The following PSMD12 variants were observed in gnomAD, a reference collection of about 807,000 sequenced individuals.
The protein encoded by PSMD12 is 26S proteasome non-ATPase regulatory subunit 12.
A neutral mutation model predicts 62.9 loss-of-function variants in PSMD12; 8 were observed. The ratio of observed to expected loss-of-function variants is 0.13; its 90% CI spans 0.07 to 0.23. The LOEUF (loss-of-function observed/expected upper bound fraction) is 0.23, where lower values mean the gene tolerates loss of function less well. Among genes scored for constraint, PSMD12 ranks in the 10% least tolerant of loss-of-function variants. The pLI is 1.00. For synonymous variants in PSMD12, 173 were observed against 187.4 expected, an observed-to-expected ratio of 0.92 and a Z score of 0.63; for missense variants, 424 against 550.2, an observed-to-expected ratio of 0.77 and a Z score of 2.29.
chr17:67,353,087 C>G (rs1266025373), intron 3 of PSMD12, among the ~76,000 whole-genome samples: 1 of 151,976 alleles, frequency 6.6e-6, no homozygotes, highest in East Asian at 1.9e-4. Flanking sequence ...CAAAGGGGGA[C>G]TACTGTACAT....
intron 3 of PSMD12, among the ~76,000 whole-genome samples, chr17:67,356,006 A>ACACACG (rs2042067098): frequency 6.7e-6 from 1 of 149,286 alleles, no homozygotes; most frequent in East Asian, 2.0e-4. Flanking sequence ...ACACACACAC[A>ACACACG]CACGCACACA....
In PSMD12 at chr17:67,357,312, C is replaced by T. The variant is rs761972477; in HGVS notation, c.288G>A (p.Gln96=). 1.9e-5 allele frequency: 30 copies of T among 1,611,422 alleles called. No homozygotes were observed. The highest frequency in any genetic ancestry group is 2.7e-5 in the African/African-American group (2 of 74,830). The part of the protein sequence containing the change: ...NIMLLSKRRS[Q]LKQAVAKMVQ... ...ATGATCATGAACTCACTTGTTTTAACTGACTCCGCCTTTTGGACAAAAGCA... is the reference window on the plus strand; with the variant it reads ...ATGATCATGAACTCACTTGTTTTAATTGACTCCGCCTTTTGGACAAAAGCA... The change falls in exon 3 of 11, where the codon CAG becomes CAA. Residue 96 remains glutamine, a synonymous_variant. Coordinates refer to ENST00000356126, the MANE Select transcript of PSMD12 (RefSeq NM_002816.5).
chr17:67,362,196 G>C (rs1200682505), intron 1 of PSMD12, among the ~76,000 whole-genome samples: 1 of 152,180 alleles, frequency 6.6e-6, no homozygotes, highest in Non-Finnish European at 1.5e-5. Flanking sequence ...GAAACCCTCA[G>C]TATATTAAGA....
rs749497964 is a variant in PSMD12, at chr17:67,339,112, GT to G, written c.*1730del. On this transcript the variant is annotated 3_prime_UTR_variant, in exon 11 of 11. Transcript: ENST00000356126. Reference sequence around the variant, plus strand: ...TTCTGTTTCTGAACTTTCCAGTTTTGTTTTTTTTTTTTTGAGACGGAGTCTC... The same window carrying G: ...TTCTGTTTCTGAACTTTCCAGTTTTGTTTTTTTTTTTTGAGACGGAGTCTC... The G allele has an allele frequency of 6.2e-4, 88 of 141,440 alleles. 1 individual carries two copies. In the South Asian group the frequency reaches 0.011, roughly 17 times the overall value. 8.8% of individuals were successfully genotyped at this position (141,440 alleles called of 1,614,324 possible). A position where few individuals can be genotyped will look rare whatever the true frequency, so the allele number is the denominator to read the frequency against.
At position 67,340,883 on chromosome 17, in the gene PSMD12, T is replaced by C; in HGVS notation, c.1331A>G (p.His444Arg). Residue 444 changes from histidine (H) to arginine (R), a missense_variant, in exon 11 of 11, where the codon CAT becomes CGT. By Grantham distance (29) the His-to-Arg change is conservative. Transcript: ENST00000356126. ...TATCATCTCCTCTTTGGCTATGAGA[T>C]GCGTAGTTTTGTTAACCAGAGACAT... ...SLMSLVNKTTHLIAKEEMIHN... is the reference protein window; with the variant it reads ...SLMSLVNKTTRLIAKEEMIHN... 1 of 1,593,726 alleles carries C rather than the reference T, an allele frequency of 6.3e-7. No individual in the cohort carries two copies. Among genetic ancestry groups the C allele is most frequent in the Non-Finnish European group, 8.5e-7 (1 of 1,174,084 alleles).
chr17:67,356,226 C>A (rs2042070043), intron 3 of PSMD12, among the ~76,000 whole-genome samples: 1 of 151,964 alleles, frequency 6.6e-6, no homozygotes, highest in Non-Finnish European at 1.5e-5. Flanking sequence ...AAATCTTTAT[C>A]AACATGCATA....
chr17:67,349,177 G>A (rs975390431), intron 4 of PSMD12, among the ~76,000 whole-genome samples: 6 of 152,052 alleles, frequency 3.9e-5, no homozygotes, highest in Admixed American at 2.6e-4. Flanking sequence ...GCGCCACCAC[G>A]CCCAGCTAAT....
chr17:67,365,342 T>A (rs1414956178), intron 1 of PSMD12, among the ~76,000 whole-genome samples: 1 of 152,142 alleles, frequency 6.6e-6, no homozygotes. Flanking sequence ...TTGGGGCATG[T>A]GATTCAACTT....
At chr17:67,345,887 A>T (rs374914970) in intron 7 of PSMD12, 30 bp from the exon 8 acceptor site, 1 of 1,537,886 alleles carries the variant, frequency 6.5e-7, no homozygotes. Flanking sequence ...AGTTATATGC[A>T]AGACTGGACA....
chr17:67,344,887 T>C, intron 8 of PSMD12, 107 bp from the exon 9 acceptor site: 1 of 929,278 alleles, frequency 1.1e-6, no homozygotes, highest in Non-Finnish European at 1.6e-6. Flanking sequence ...CGTTAAATTT[T>C]ATTTAGTAGA....
At chr17:67,353,228 A>T (rs1039186972) in intron 3 of PSMD12, among the ~76,000 whole-genome samples, 1 of 152,198 alleles carries the variant, frequency 6.6e-6, no homozygotes, top group Non-Finnish European at 1.5e-5. Context: ...GGCTCGAGTG[A>T]CAGACAATGA....
chr17:67,345,196 T>C (rs1055001591), intron 8 of PSMD12, among the ~76,000 whole-genome samples: 4 of 152,250 alleles, frequency 2.6e-5, no homozygotes, highest in Admixed American at 6.5e-5. Flanking sequence ...GCTGCAAATG[T>C]AGACCTGATA....
intron 3 of PSMD12, among the ~76,000 whole-genome samples, chr17:67,350,692 C>A (rs182947933): frequency 6.6e-6 from 1 of 152,118 alleles, no homozygotes; most frequent in Non-Finnish European, 1.5e-5. Flanking sequence ...AGGCAAAAGG[C>A]GAAACGGTTC....
chr17:67,345,889 G>A (rs746147077), intron 7 of PSMD12, 32 bp from the exon 8 acceptor site: 2 of 1,536,322 alleles, frequency 1.3e-6, no homozygotes. Context: ...TTATATGCAA[G>A]ACTGGACATA....
At position 67,349,646 on chromosome 17, in the gene PSMD12, T is replaced by A. The variant is rs1050614362; in HGVS notation, c.405+583A>T. Among the ~76,000 whole-genome samples the A allele has an allele frequency of 5.9e-5, 9 of 152,210 alleles. 1 individual carries two copies. The highest frequency in any genetic ancestry group is 5.9e-4 in the Admixed American group (9 of 15,280). Reference sequence around the variant, plus strand: ...ACTCTAATTCTGACTTATCTTTAAATACAAGACTACCTTCTTTAAAAATAT... The same window carrying A: ...ACTCTAATTCTGACTTATCTTTAAAAACAAGACTACCTTCTTTAAAAATAT... On this transcript the variant is annotated intron_variant, in intron 4 of 10. Transcript: ENST00000356126.
In PSMD12 at chr17:67,350,226, T is replaced by C. The variant is rs1783456479; in HGVS notation, c.405+3A>G. On this transcript the variant is annotated splice_donor_region_variant and intron_variant, in intron 4 of 10. Coordinates refer to ENST00000356126, the MANE Select transcript of PSMD12 (RefSeq NM_002816.5). ...TTTTGAGTTATGTCAACAGAAAATT[T>C]ACCTTGCCTTCGGTAACCATTCGTA... 2 of 1,591,288 alleles carry C rather than the reference T, an allele frequency of 1.3e-6. No individual in the cohort carries two copies. Among genetic ancestry groups the C allele is most frequent in the Admixed American group, 3.5e-5 (2 of 56,864 alleles).
chr17:67,361,433 T>G (rs1392726366), intron 1 of PSMD12, among the ~76,000 whole-genome samples: 1 of 151,980 alleles, frequency 6.6e-6, no homozygotes, highest in Non-Finnish European at 1.5e-5. Context: ...AATACAAAAT[T>G]TAGCCGGGCG....
Position 67,340,908 on chromosome 17 carries a change from TTAA to T in PSMD12, c.1303_1305del (p.Leu435del), listed in dbSNP as rs2041908441. The T allele has an allele frequency of 6.3e-7, 1 of 1,595,792 alleles. No individual in the cohort carries two copies. On this transcript the variant is annotated inframe_deletion, in exon 11 of 11. Coordinates refer to ENST00000356126, the MANE Select transcript of PSMD12 (RefSeq NM_002816.5). Reference sequence around the variant, plus strand: ...TGCGTAGTTTTGTTAACCAGAGACATTAATGAGTTCAGTTTCTGAGACCAGTCA... The same window carrying T: ...TGCGTAGTTTTGTTAACCAGAGACATTGAGTTCAGTTTCTGAGACCAGTCA...
chr17:67,339,734 A>G lies in PSMD12; in HGVS notation c.*1109T>C, dbSNP rs923005279. On this transcript the variant is annotated 3_prime_UTR_variant, in exon 11 of 11. Coordinates refer to ENST00000356126, the MANE Select transcript of PSMD12 (RefSeq NM_002816.5). ...GTATCATTTTAAATAACCTTCTAAC[A>G]TTGTTTTTTCTATTTTCTCTGAAAT... 4.0e-5 allele frequency: 6 copies of G among 151,894 alleles called. No homozygotes were observed. Among genetic ancestry groups the G allele is most frequent in the South Asian group, 2.1e-4 (1 of 4,814 alleles). The allele number at this position is 151,894 out of a possible 1,614,324, so 9.4% of individuals were successfully genotyped here.
Sources: gnomAD v4.1 joint callset for allele counts (sites outside exome capture counted in the v4.1 genomes callset) on GRCh38, gnomAD v4.1.1 for gene constraint, MANE v1.5 for transcripts, NCBI Gene and HGNC (gene_info 2026-07-23, HGNC 2026-07-21) for gene names.